Variants in IDS observed in about 807,000 individuals in gnomAD.
IDS encodes alpha-L-iduronate sulfate sulfatase.
Under a neutral mutation model 33.5 loss-of-function variants are expected in IDS, and 1 was observed. The observed-to-expected ratio is 0.03, with a 90% CI of 0.01 to 0.14. The LOEUF (loss-of-function observed/expected upper bound fraction) is 0.14, where lower values mean the gene tolerates loss of function less well. Among genes scored for constraint, IDS ranks in the 10% least tolerant of loss-of-function variants. The pLI, the probability that IDS is intolerant of heterozygous loss-of-function variation, is 1.00. For synonymous variants in IDS, 191 were observed against 184.4 expected, an observed-to-expected ratio of 1.04 and a Z score of -0.29; for missense variants, 328 against 448.0, an observed-to-expected ratio of 0.73 and a Z score of 2.42.
Position 149,491,584 on chromosome X carries a change from A to G in IDS, c.880-1144T>C, listed in dbSNP as rs371474085. On this transcript the variant is annotated intron_variant, in intron 6 of 8. Coordinates refer to ENST00000340855, the MANE Select transcript of IDS (RefSeq NM_000202.8). ...AGAAAAGATATACATCTAGCCTTCC[A>G]GCAGGATTATGCTGAGCCCTGGCCT... 539 of 995,556 alleles carry G rather than the reference A, an allele frequency of 5.4e-4. 1 individual carries two copies. In the South Asian group the frequency reaches 9.7e-3, roughly 18 times the overall value. The allele number at this position is 995,556 out of a possible 1,213,427, so 82.0% of individuals were successfully genotyped here. A position where few individuals can be genotyped will look rare whatever the true frequency, so the allele number is the denominator to read the frequency against.
At chrX:149,483,975 A>G (rs1557337747) in intron 8 of IDS, among the ~76,000 whole-genome samples, 1 of 112,837 alleles carries the variant, frequency 8.9e-6, no homozygotes, top group African/African-American at 3.2e-5. Context: ...ATGATGTAGC[A>G]TGTGTCAGTT....
At chrX:149,503,867 C>T (rs782175941) in intron 2 of IDS, among the ~76,000 whole-genome samples, 131 of 111,692 alleles carry the variant, frequency 1.2e-3, no homozygotes, top group African/African-American at 4.1e-3. Context: ...AGCACCCCTT[C>T]CTTCTGAGCA....
chrX:149,502,855 G>A, intron 3 of IDS: 1 of 274,298 alleles, frequency 3.6e-6, no homozygotes, highest in Non-Finnish European at 6.5e-6. Context: ...AATTTCCAGA[G>A]TGGATAGCAG....
intron 8 of IDS, 124 bp from the exon 9 acceptor site, chrX:149,483,342 C>A: frequency 1.9e-6 from 1 of 530,067 alleles, no homozygotes. Context: ...CAACATTTAT[C>A]TTTAGCAACA....
chrX:149,487,243 T>C, intron 7 of IDS, 145 bp from the exon 8 acceptor site: 3 of 1,205,492 alleles, frequency 2.5e-6, no homozygotes, highest in African/African-American at 1.7e-5. Flanking sequence ...CACTTGGAAT[T>C]ACCACAGAAA....
At chrX:149,503,018 C>A in intron 3 of IDS, 2 of 756,963 alleles carry the variant, frequency 2.6e-6, no homozygotes, top group South Asian at 2.8e-5. Context: ...GGACTCCACC[C>A]AACACTGCCA....
rs1412695642 is a variant in IDS at position 149,488,450 on chromosome X, A to AC, written c.1007-1353dup. On this transcript the variant is annotated intron_variant, in intron 7 of 8. Coordinates refer to ENST00000340855, the MANE Select transcript of IDS (RefSeq NM_000202.8). Reference sequence around the variant, plus strand: ...GCCTGCAGGATGGCAACGTGAGGGAACCTGGCAGTGCGACCTCAGGAATCC... The same window carrying AC: ...GCCTGCAGGATGGCAACGTGAGGGAACCCTGGCAGTGCGACCTCAGGAATCC... 3.6e-5 allele frequency among the ~76,000 whole-genome samples: 4 copies of AC among 110,231 alleles called. No individual in the cohort carries two copies. In the Admixed American group the frequency reaches 3.8e-4, roughly 11 times the overall value.
chrX:149,478,223 C>T lies in IDS; in HGVS notation c.*4523G>A, dbSNP rs987879925. The T allele has an allele frequency of 8.9e-6, 1 of 111,818 alleles. No homozygotes were observed. Among genetic ancestry groups the T allele is most frequent in the Non-Finnish European group, 1.9e-5 (1 of 53,115 alleles). 9.2% of individuals were successfully genotyped at this position (111,818 alleles called of 1,213,427 possible). On this transcript the variant is annotated 3_prime_UTR_variant, in exon 9 of 9. Coordinates refer to ENST00000340855, the MANE Select transcript of IDS (RefSeq NM_000202.8). ...CACTTGGTTACCTCCCAGCACAAACCCCAACATCTTAAGTGATTAAAGATT... is the reference window on the plus strand; with the variant it reads ...CACTTGGTTACCTCCCAGCACAAACTCCAACATCTTAAGTGATTAAAGATT...
chrX:149,495,970 C>T (rs1325219525), intron 6 of IDS, among the ~76,000 whole-genome samples: 1 of 112,413 alleles, frequency 8.9e-6, no homozygotes, highest in Non-Finnish European at 1.9e-5. Context: ...GCAAACCAAG[C>T]ATTCTGGGCT....
intron 7 of IDS, among the ~76,000 whole-genome samples, chrX:149,487,513 G>C (rs1345763533): frequency 6.3e-5 from 7 of 111,828 alleles, no homozygotes; most frequent in African/African-American, 2.3e-4. Flanking sequence ...CCTGTCTTTT[G>C]ACTCATGCCC....
At position 149,477,971 on chromosome X, in the gene IDS, T is replaced by C. The variant is rs1315618429; in HGVS notation, c.*4775A>G. ...CCAAGGGACACCCTGGGTTCTACTTTAATCCCAGATCCCAGGCCAGAATTC... is the reference window on the plus strand; with the variant it reads ...CCAAGGGACACCCTGGGTTCTACTTCAATCCCAGATCCCAGGCCAGAATTC... On this transcript the variant is annotated 3_prime_UTR_variant, in exon 9 of 9. Coordinates refer to ENST00000340855, the MANE Select transcript of IDS (RefSeq NM_000202.8). 1.8e-5 allele frequency: 2 copies of C among 112,081 alleles called. No individual in the cohort carries two copies. The highest frequency in any genetic ancestry group is 7.4e-4 in the South Asian group (2 of 2,685). The allele number at this position is 112,081 out of a possible 1,213,427, so 9.2% of individuals were successfully genotyped here.
At chrX:149,493,816 C>T (rs1557339001) in intron 6 of IDS, among the ~76,000 whole-genome samples, 1 of 111,610 alleles carries the variant, frequency 9.0e-6, no homozygotes, top group Non-Finnish European at 1.9e-5. Flanking sequence ...GAAAGGTTAA[C>T]TTGCCCAGAG....
rs2089379632 is a variant in IDS at position 149,490,375 on chromosome X, C to A, written c.945G>T (p.Leu315Phe). The change falls in exon 7 of 9, where the codon TTG (leucine) becomes TTT (phenylalanine). Residue 315 changes from leucine (L) to phenylalanine (F), a missense_variant. This residue lies in a region of IDS where 265 missense variants were observed against 339.2 expected (regional missense o/e 0.78). Coordinates refer to ENST00000340855, the MANE Select transcript of IDS (RefSeq NM_000202.8). Reference protein sequence around the residue: ...SYLDTQVGRLLSALDDLQLAN... With the variant: ...SYLDTQVGRLFSALDDLQLAN... ...CCAGCTGAAGATCGTCCAAAGCACT[C>A]AAGAGGCGGCCGACCTGTGTATCCA... The A allele has an allele frequency of 8.3e-7, 1 of 1,208,212 alleles. No individual in the cohort carries two copies. Among genetic ancestry groups the A allele is most frequent in the Non-Finnish European group, 1.1e-6 (1 of 893,608 alleles).
chrX:149,480,706 C>A lies in IDS; in HGVS notation c.*2040G>T. ...TGTTGGCCAGGCTGGTCTTGAACTC[C>A]TAACCTCAAGTGATCCGCCTGCCTG... On this transcript the variant is annotated 3_prime_UTR_variant, in exon 9 of 9. Coordinates refer to ENST00000340855, the MANE Select transcript of IDS (RefSeq NM_000202.8). The A allele has an allele frequency of 6.3e-6, 1 of 158,633 alleles. No homozygotes were observed. Among genetic ancestry groups the A allele is most frequent in the Admixed American group, 8.1e-5 (1 of 12,300 alleles). The allele number at this position is 158,633 out of a possible 1,213,427, so 13.1% of individuals were successfully genotyped here. A position where few individuals can be genotyped will look rare whatever the true frequency, so the allele number is the denominator to read the frequency against.
chrX:149,494,353 C>G (rs2089418656), intron 6 of IDS, among the ~76,000 whole-genome samples: 1 of 111,786 alleles, frequency 8.9e-6, no homozygotes, highest in Admixed American at 9.4e-5. Context: ...CTCTAGCAAT[C>G]CCCGTGAGGT....
chrX:149,491,095 G>T (rs899397516), intron 6 of IDS, among the ~76,000 whole-genome samples: 1 of 111,068 alleles, frequency 9.0e-6, no homozygotes, highest in Non-Finnish European at 1.9e-5. Flanking sequence ...CCTTTTCAGG[G>T]AAAAAAAAAT....
intron 6 of IDS, chrX:149,491,573 T>C: frequency 1.0e-6 from 1 of 989,501 alleles, no homozygotes; most frequent in Non-Finnish European, 1.3e-6. Context: ...AAGATATACA[T>C]CTAGCCTTCC....
Position 149,478,242 on chromosome X carries a change from A to G in IDS, c.*4504T>C, listed in dbSNP as rs1373805911. The G allele has an allele frequency of 8.9e-6, 1 of 112,214 alleles. No homozygotes were observed. The highest frequency in any genetic ancestry group is 3.2e-5 in the African/African-American group (1 of 30,825). The allele number at this position is 112,214 out of a possible 1,213,427, so 9.2% of individuals were successfully genotyped here. The stretch of plus-strand genomic sequence containing the variant: ...ACAAACCCCAACATCTTAAGTGATT[A>G]AAGATTAATGTAGGTTGGGTGTATA... On this transcript the variant is annotated 3_prime_UTR_variant, in exon 9 of 9. Transcript: ENST00000340855.
intron 4 of IDS, among the ~76,000 whole-genome samples, chrX:149,499,968 G>C (rs2089466831): frequency 9.0e-6 from 1 of 111,595 alleles, no homozygotes; most frequent in Non-Finnish European, 1.9e-5. Context: ...GTCAGCTGCT[G>C]TTCCATCTCA....
Sources: gnomAD v4.1 joint callset for allele counts (sites outside exome capture counted in the v4.1 genomes callset) on GRCh38, gnomAD v4.1.1 for gene constraint, gnomAD v4.1.1 regional missense constraint, MANE v1.5 for transcripts, NCBI Gene and HGNC (gene_info 2026-07-23, HGNC 2026-07-21) for gene names.